The following HEATR5B variants were observed in gnomAD, a reference collection of about 807,000 sequenced individuals.
The protein encoded by HEATR5B is HEAT repeat containing 5B.
A neutral mutation model predicts 224.1 loss-of-function variants in HEATR5B; 156 were observed. That is an observed-to-expected ratio of 0.70 (90% confidence interval 0.61 to 0.80). The LOEUF is 0.80. Ranked by LOEUF, HEATR5B falls within the 30% of genes least tolerant of loss-of-function variation. HEATR5B has a pLI of 0.00. For missense variants in HEATR5B, 2,323 were observed against 2,535.5 expected (o/e 0.92, Z 1.80); for synonymous variants, 1,027 against 893.0 (o/e 1.15, Z -2.68).
Position 37,040,322 on chromosome 2 carries a change from T to A in HEATR5B, c.3046+7A>T, listed in dbSNP as rs1291108830. ...CTAGGTTCCTTAATTTCAGATGATT[T>A]ACTTACCTTGTAGTTCAGGGCCAAC... On this transcript the variant is annotated splice_region_variant and intron_variant, in intron 20 of 35. Coordinates refer to ENST00000233099, the MANE Select transcript of HEATR5B (RefSeq NM_019024.3). 6.2e-7 allele frequency: 1 copy of A among 1,605,682 alleles called. No homozygotes were observed. Among genetic ancestry groups the A allele is most frequent in the African/African-American group, 1.3e-5 (1 of 74,758 alleles).
intron 26 of HEATR5B, among the ~76,000 whole-genome samples, chr2:37,016,104 CCTTA>C (rs781335015): frequency 1.1e-4 from 16 of 148,806 alleles, no homozygotes; most frequent in Non-Finnish European, 2.2e-4. Context: ...AATTACATGT[CCTTA>C]CTTTCTTTTT....
At chr2:36,984,052 T>A (rs1001063597) in intron 35 of HEATR5B, among the ~76,000 whole-genome samples, 14 of 148,530 alleles carry the variant, frequency 9.4e-5, no homozygotes, top group Admixed American at 2.7e-4. Context: ...TATAACAAAT[T>A]AGCTGGACGT....
chr2:37,045,735 A>G (rs963908996), intron 18 of HEATR5B, among the ~76,000 whole-genome samples: 1 of 152,086 alleles, frequency 6.6e-6, no homozygotes, highest in Admixed American at 6.5e-5. Flanking sequence ...TGCCTCCCCA[A>G]ATTGCAAATG....
At chr2:37,068,176 GAAA>G (rs1239739927) in intron 8 of HEATR5B, among the ~76,000 whole-genome samples, 1 of 152,066 alleles carries the variant, frequency 6.6e-6, no homozygotes, top group Non-Finnish European at 1.5e-5. Flanking sequence ...TTATTAAATT[GAAA>G]AATTTATAAA....
At chr2:37,073,318 C>G (rs960629184) in intron 5 of HEATR5B, among the ~76,000 whole-genome samples, 1 of 152,162 alleles carries the variant, frequency 6.6e-6, no homozygotes, top group Non-Finnish European at 1.5e-5. Flanking sequence ...ATGTTATTCA[C>G]CACATTAGCA....
At chr2:37,047,666 T>C (rs1670287765) in intron 18 of HEATR5B, among the ~76,000 whole-genome samples, 1 of 152,228 alleles carries the variant, frequency 6.6e-6, no homozygotes, top group Non-Finnish European at 1.5e-5. Flanking sequence ...GATTCCTGTC[T>C]TAATTTCTGT....
At chr2:37,084,226 C>G (rs2148624700) in intron 1 of HEATR5B, 43 bp downstream of exon 1, 1 of 370,264 alleles carries the variant, frequency 2.7e-6, no homozygotes, top group East Asian at 3.9e-5. Context: ...GTACGTCGGA[C>G]AGGAGTCCGT....
intron 22 of HEATR5B, among the ~76,000 whole-genome samples, chr2:37,029,264 G>A (rs1668967477): frequency 6.6e-6 from 1 of 152,166 alleles, no homozygotes; most frequent in South Asian, 2.1e-4. Context: ...TTTGTTAGAA[G>A]AATAAATTGA....
chr2:37,021,303 G>A (rs1198483820), intron 24 of HEATR5B, among the ~76,000 whole-genome samples: 1 of 152,188 alleles, frequency 6.6e-6, no homozygotes, highest in African/African-American at 2.4e-5. Context: ...ACAACTGTGT[G>A]TCATTGCCTC....
intron 7 of HEATR5B, among the ~76,000 whole-genome samples, chr2:37,070,006 T>A (rs1409885300): frequency 6.6e-6 from 1 of 151,682 alleles, no homozygotes; most frequent in Non-Finnish European, 1.5e-5. Flanking sequence ...GAAGCGATTC[T>A]CCTGCCTCAG....
intron 33 of HEATR5B, among the ~76,000 whole-genome samples, chr2:36,997,426 C>A (rs775147356): frequency 6.6e-6 from 1 of 152,144 alleles, no homozygotes; most frequent in South Asian, 2.1e-4. Flanking sequence ...TCTGCTCAAG[C>A]GATCTACCTG....
chr2:37,025,538 C>T (rs907720539), intron 24 of HEATR5B, among the ~76,000 whole-genome samples: 1 of 141,350 alleles, frequency 7.1e-6, no homozygotes, highest in African/African-American at 2.6e-5. Flanking sequence ...AACAGAAAAC[C>T]TTAGAGAGTA....
At chr2:37,020,079 A>G (rs1032901922) in intron 25 of HEATR5B, among the ~76,000 whole-genome samples, 11 of 151,856 alleles carry the variant, frequency 7.2e-5, no homozygotes, top group African/African-American at 2.4e-4. Context: ...TAATTTTTGT[A>G]TTTTTAGTAG....
chr2:36,996,954 C>A (rs1399131824), intron 33 of HEATR5B, among the ~76,000 whole-genome samples: 1 of 141,108 alleles, frequency 7.1e-6, no homozygotes, highest in Admixed American at 7.2e-5. Flanking sequence ...AACTCCTGAC[C>A]TCAAGTGATC....
rs755314890 is a variant in HEATR5B, at chr2:37,003,587, C to G, written c.5005G>C (p.Val1669Leu). 8 of 1,611,966 alleles carry G rather than the reference C, an allele frequency of 5.0e-6. No homozygotes were observed. Reference sequence around the variant, plus strand: ...TGCAAATAATCCTGAGCAGCTCTTACTATCTGTTGTACAACTCCAGTAACC... The same window carrying G: ...TGCAAATAATCCTGAGCAGCTCTTAGTATCTGTTGTACAACTCCAGTAACC... ...LLVTGVVQQI[V>L]RAAQDYLQEK... The change falls in exon 31 of 36, where the codon GTA becomes CTA. Residue 1669 changes from valine (V) to leucine (L), a missense_variant. Physicochemically the swap from Val to Leu is conservative, Grantham distance 32. Coordinates refer to ENST00000233099, the MANE Select transcript of HEATR5B (RefSeq NM_019024.3).
At chr2:37,000,539 G>T (rs367885620) in intron 33 of HEATR5B, 47 bp downstream of exon 33, 42 of 1,447,306 alleles carry the variant, frequency 2.9e-5, no homozygotes, top group Non-Finnish European at 4.0e-5. Flanking sequence ...CATTACTTAG[G>T]GAACACATAT....
chr2:37,022,860 A>G (rs1206218755), intron 24 of HEATR5B, among the ~76,000 whole-genome samples: 1 of 152,234 alleles, frequency 6.6e-6, no homozygotes, highest in African/African-American at 2.4e-5. Context: ...ATTTTGGAAT[A>G]CATCAAAATC....
At chr2:37,032,325 G>A (rs1451768079) in intron 22 of HEATR5B, among the ~76,000 whole-genome samples, 1 of 151,968 alleles carries the variant, frequency 6.6e-6, no homozygotes, top group African/African-American at 2.4e-5. Context: ...GAGCACAGGG[G>A]CATGACCATA....
intron 5 of HEATR5B, among the ~76,000 whole-genome samples, chr2:37,074,113 A>G (rs1672078824): frequency 6.6e-6 from 1 of 152,144 alleles, no homozygotes; most frequent in African/African-American, 2.4e-5. Flanking sequence ...CGAGGTCAGG[A>G]GATCGAGACC....
Sources: allele counts gnomAD v4.1 joint callset (sites outside exome capture counted in the v4.1 genomes callset), GRCh38; gene constraint gnomAD v4.1.1; transcripts MANE v1.5; gene names NCBI Gene and HGNC (gene_info 2026-07-23, HGNC 2026-07-21).